The following TMEM132D variants were observed in gnomAD, a reference collection of about 807,000 sequenced individuals.
The protein encoded by TMEM132D is transmembrane protein 132D, also known as mature OL transmembrane protein.
TMEM132D carries 21 observed loss-of-function variants against 62.3 expected under a neutral mutation model. That is an observed-to-expected ratio of 0.34 (90% CI 0.24 to 0.49). TMEM132D has a LOEUF of 0.49. TMEM132D is among the 20% of genes least tolerant of loss of function. TMEM132D has a pLI of 0.99. For synonymous variants in TMEM132D, 621 were observed against 575.6 expected (o/e 1.08, Z -1.13); for missense variants, 1,346 against 1,402.8 (o/e 0.96, Z 0.65).
chr12:129,409,688 G>A (rs1871906510), intron 3 of TMEM132D, among the ~76,000 whole-genome samples: 1 of 152,204 alleles, frequency 6.6e-6, no homozygotes, highest in African/African-American at 2.4e-5. Context: ...TGCATATAGA[G>A]TGTGAAAACA....
chr12:129,274,320 A>G (rs887978427), intron 4 of TMEM132D, among the ~76,000 whole-genome samples: 2 of 149,320 alleles, frequency 1.3e-5, no homozygotes, highest in Admixed American at 1.3e-4. Flanking sequence ...TTATCAGCAA[A>G]TAGAATTAGA....
chr12:129,551,376 G>A (rs573555709), intron 2 of TMEM132D, among the ~76,000 whole-genome samples: 11 of 152,370 alleles, frequency 7.2e-5, no homozygotes, highest in African/African-American at 2.6e-4. Context: ...TCTGCACAGA[G>A]GCCAGGCTGG....
chr12:129,265,907 C>T (rs1182692245), intron 4 of TMEM132D, among the ~76,000 whole-genome samples: 3 of 152,140 alleles, frequency 2.0e-5, no homozygotes, highest in African/African-American at 7.2e-5. Context: ...CAGGACTCAT[C>T]TCATTCATGA....
chr12:129,313,191 C>T (rs1882023706), intron 4 of TMEM132D, among the ~76,000 whole-genome samples: 1 of 152,046 alleles, frequency 6.6e-6, no homozygotes. Context: ...TTTCCATAAG[C>T]AATTTGGGTA....
chr12:129,770,623 A>T (rs1870713191), intron 1 of TMEM132D, among the ~76,000 whole-genome samples: 1 of 152,188 alleles, frequency 6.6e-6, no homozygotes, highest in Non-Finnish European at 1.5e-5. Flanking sequence ...ATGATAGGGG[A>T]AAATATCAGA....
At chr12:129,656,917 AACC>A (rs1880099920) in intron 2 of TMEM132D, among the ~76,000 whole-genome samples, 1 of 152,184 alleles carries the variant, frequency 6.6e-6, no homozygotes. Context: ...CTGTGCTCCT[AACC>A]ACCACAATAC....
intron 1 of TMEM132D, among the ~76,000 whole-genome samples, chr12:129,701,969 AGACGAT>A (rs1881396239): frequency 6.6e-6 from 1 of 152,210 alleles, no homozygotes; most frequent in African/African-American, 2.4e-5. Flanking sequence ...CGGCTTTGTG[AGACGAT>A]GAGCAGGTCA....
intron 2 of TMEM132D, among the ~76,000 whole-genome samples, chr12:129,555,997 G>A (rs941645684): frequency 6.6e-6 from 1 of 152,158 alleles, no homozygotes; most frequent in African/African-American, 2.4e-5. Context: ...TGGGTTACAC[G>A]GGATTTATGT....
At chr12:129,618,341 C>G (rs1049834198) in intron 2 of TMEM132D, among the ~76,000 whole-genome samples, 1 of 152,170 alleles carries the variant, frequency 6.6e-6, no homozygotes, top group African/African-American at 2.4e-5. Flanking sequence ...AGTAGTAATG[C>G]TTCAGCCATC....
At chr12:129,662,157 C>T (rs190859676) in intron 2 of TMEM132D, among the ~76,000 whole-genome samples, 133 of 152,280 alleles carry the variant, frequency 8.7e-4, no homozygotes, top group Non-Finnish European at 1.6e-3. Flanking sequence ...TTTTTCTTTG[C>T]AGCCCAGGCT....
At position 129,700,026 on chromosome 12, in the gene TMEM132D, C is replaced by T. The variant is rs758468852; in HGVS notation, c.752G>A (p.Arg251Gln). 3.1e-6 allele frequency: 5 copies of T among 1,613,980 alleles called. No individual in the cohort carries two copies. Among genetic ancestry groups the T allele is most frequent in the South Asian group, 2.2e-5 (2 of 91,086 alleles). The part of the protein sequence containing the change: ...REDARRSNGI[R>Q]TGHSDIDESG... ...CTCATCGATGTCACTGTGGCCTGTC[C>T]GGATCCCATTGCTTCTCCTCGCGTC... is the stretch of plus-strand genomic sequence containing the variant. The change falls in exon 2 of 9, where the codon CGG becomes CAG. Residue 251 changes from arginine to glutamine, a missense_variant. Coordinates refer to ENST00000422113, the MANE Select transcript of TMEM132D (RefSeq NM_133448.3).
intron 1 of TMEM132D, among the ~76,000 whole-genome samples, chr12:129,728,916 C>T (rs979895187): frequency 2.0e-5 from 3 of 152,152 alleles, no homozygotes; most frequent in Non-Finnish European, 2.9e-5. Flanking sequence ...CAGCTGAAGG[C>T]CCCTGAGCTC....
chr12:129,354,237 CA>C (rs993512651), intron 3 of TMEM132D, among the ~76,000 whole-genome samples: 30 of 151,798 alleles, frequency 2.0e-4, no homozygotes, highest in African/African-American at 7.0e-4. Context: ...ATATCTTTTC[CA>C]AAAGAATAAG....
In TMEM132D at chr12:129,337,766, C is replaced by T. The variant is rs1439072990; in HGVS notation, c.1167G>A (p.Glu389=). The change falls in exon 4 of 9, where the codon GAG becomes GAA. Residue 389 remains glutamate (E), a synonymous_variant. Transcript: ENST00000422113. The part of the protein sequence containing the change: ...EVMQIDVEVE[E]PGDLPATQLV... ...GCTGTGTGGCTGGCAGGTCACCAGG[C>T]TCTTCCACCTCCACATCGATCTGCA... is the stretch of plus-strand genomic sequence containing the variant. The T allele has an allele frequency of 1.2e-6, 2 of 1,613,938 alleles. No individual in the cohort carries two copies. Among genetic ancestry groups the T allele is most frequent in the South Asian group, 1.1e-5 (1 of 91,066 alleles).
chr12:129,862,705 G>A (rs796581525), intron 1 of TMEM132D, among the ~76,000 whole-genome samples: 3 of 152,282 alleles, frequency 2.0e-5, no homozygotes, highest in African/African-American at 7.2e-5. Flanking sequence ...GCGGACACAA[G>A]TATAAGTAGA....
intron 2 of TMEM132D, among the ~76,000 whole-genome samples, chr12:129,584,599 C>T (rs1877969972): frequency 6.6e-6 from 1 of 152,216 alleles, no homozygotes; most frequent in Non-Finnish European, 1.5e-5. Context: ...TGCTTTATCG[C>T]ACCTCTGCCA....
intron 5 of TMEM132D, among the ~76,000 whole-genome samples, chr12:129,175,301 CT>C (rs1203878477): frequency 6.6e-6 from 1 of 152,058 alleles, no homozygotes. Flanking sequence ...GGATGCCCCG[CT>C]TTTCAAGAGT....
At chr12:129,501,711 G>A (rs1368626132) in intron 3 of TMEM132D, among the ~76,000 whole-genome samples, 1 of 151,914 alleles carries the variant, frequency 6.6e-6, no homozygotes, top group Non-Finnish European at 1.5e-5. Context: ...TTACCATGTT[G>A]CCCAGGCTGG....
chr12:129,366,105 A>G (rs1396808297), intron 3 of TMEM132D, among the ~76,000 whole-genome samples: 1 of 152,128 alleles, frequency 6.6e-6, no homozygotes, highest in African/African-American at 2.4e-5. Flanking sequence ...AAATAATTAA[A>G]ATTCTTAAAA....
Sources: gnomAD v4.1 joint callset for allele counts (sites outside exome capture counted in the v4.1 genomes callset) on GRCh38, gnomAD v4.1.1 for gene constraint, MANE v1.5 for transcripts, NCBI Gene and HGNC (gene_info 2026-07-23, HGNC 2026-07-21) for gene names.